UNC5D: variants seen among roughly 807,000 people sequenced by gnomAD.
The protein encoded by UNC5D is netrin receptor UNC5D.
Under a neutral mutation model 105.4 loss-of-function variants are expected in UNC5D, and 39 were observed. The observed-to-expected ratio is 0.37, with a 90% CI of 0.29 to 0.48. UNC5D has a LOEUF of 0.48. Ranked by LOEUF, UNC5D falls within the 20% of genes least tolerant of loss-of-function variation. UNC5D has a pLI of 0.98. For synonymous variants in UNC5D, 452 were observed against 450.4 expected (o/e 1.00, Z -0.04); for missense variants, 991 against 1,202.4 (o/e 0.82, Z 2.60).
chr8:35,604,774 C>T (rs2130945729), intron 4 of UNC5D, among the ~76,000 whole-genome samples: 1 of 152,286 alleles, frequency 6.6e-6, no homozygotes, highest in Middle Eastern at 3.4e-3. Flanking sequence ...AACTTCTCTT[C>T]ATGATTCATT....
chr8:35,387,296 G>C (rs1267342861), intron 1 of UNC5D, among the ~76,000 whole-genome samples: 2 of 149,128 alleles, frequency 1.3e-5, no homozygotes, highest in African/African-American at 5.0e-5. Flanking sequence ...CCGGGAGGCG[G>C]AGTTTGTAGT....
chr8:35,318,638 C>T (rs1357976779), intron 1 of UNC5D, among the ~76,000 whole-genome samples: 1 of 152,050 alleles, frequency 6.6e-6, no homozygotes, highest in Non-Finnish European at 1.5e-5. Context: ...CTTTAATAAT[C>T]ATGTCTTTTC....
At chr8:35,754,244 CA>C (rs1290697219) in intron 13 of UNC5D, among the ~76,000 whole-genome samples, 1 of 152,154 alleles carries the variant, frequency 6.6e-6, no homozygotes, top group Non-Finnish European at 1.5e-5. Context: ...ACTTCTTAAT[CA>C]AAATCAGTAA....
At position 35,794,310 on chromosome 8, in the gene UNC5D, C is replaced by G. The variant is rs1266201239; in HGVS notation, c.*3747C>G. The G allele has an allele frequency of 1.3e-5, 2 of 152,166 alleles. No homozygotes were observed. The highest frequency in any genetic ancestry group is 4.8e-5 in the African/African-American group (2 of 41,428). The allele number at this position is 152,166 out of a possible 1,614,324, so 9.4% of individuals were successfully genotyped here. On this transcript the variant is annotated 3_prime_UTR_variant, in exon 17 of 17. Coordinates refer to ENST00000404895, the MANE Select transcript of UNC5D (RefSeq NM_080872.4). ...CCAGCTCTGTAAAGGTCACAGGAAT[C>G]GTGAAGGAGCTGAGAAATCTTCCTC...
At chr8:35,379,975 C>G (rs1479631097) in intron 1 of UNC5D, among the ~76,000 whole-genome samples, 1 of 151,278 alleles carries the variant, frequency 6.6e-6, no homozygotes, top group African/African-American at 2.4e-5. Flanking sequence ...AGAAATTTAT[C>G]TCCCACAGTT....
chr8:35,550,249 G>A (rs555495857), intron 2 of UNC5D, among the ~76,000 whole-genome samples: 13 of 152,250 alleles, frequency 8.5e-5, no homozygotes, highest in African/African-American at 2.6e-4. Context: ...CGTAGACAAG[G>A]AAACTAAGGC....
At chr8:35,336,129 TAA>T (rs1811019408) in intron 1 of UNC5D, among the ~76,000 whole-genome samples, 1 of 152,152 alleles carries the variant, frequency 6.6e-6, no homozygotes, top group Non-Finnish European at 1.5e-5. Flanking sequence ...ATCAGTTTAA[TAA>T]GAGTTAGTAA....
At chr8:35,648,480 A>G (rs1823195030) in intron 4 of UNC5D, among the ~76,000 whole-genome samples, 1 of 152,026 alleles carries the variant, frequency 6.6e-6, no homozygotes. Flanking sequence ...GGAGTTTGTG[A>G]CCAGCCTGGC....
chr8:35,686,931 T>C (rs1224340520), intron 7 of UNC5D, among the ~76,000 whole-genome samples: 1 of 152,206 alleles, frequency 6.6e-6, no homozygotes, highest in Non-Finnish European at 1.5e-5. Context: ...TCTGTTGATG[T>C]GTATACTTAC....
At chr8:35,537,572 T>C (rs1814929195) in intron 1 of UNC5D, among the ~76,000 whole-genome samples, 2 of 151,978 alleles carry the variant, frequency 1.3e-5, no homozygotes, top group Non-Finnish European at 1.5e-5. Context: ...TACCAGGTAC[T>C]AAGGAGGCTG....
intron 4 of UNC5D, among the ~76,000 whole-genome samples, chr8:35,648,002 A>T (rs1373312252): frequency 6.6e-6 from 1 of 152,200 alleles, no homozygotes; most frequent in African/African-American, 2.4e-5. Flanking sequence ...TTCTTACTAG[A>T]AAATAATTGA....
intron 1 of UNC5D, among the ~76,000 whole-genome samples, chr8:35,411,169 C>T (rs901140617): frequency 2.0e-5 from 3 of 151,948 alleles, no homozygotes; most frequent in Admixed American, 6.6e-5. Context: ...ATTCTAGCGA[C>T]GACCCATGGC....
chr8:35,596,526 C>A (rs1032927369), intron 4 of UNC5D, among the ~76,000 whole-genome samples: 1 of 152,124 alleles, frequency 6.6e-6, no homozygotes, highest in African/African-American at 2.4e-5. Flanking sequence ...GTTGAGGATG[C>A]GTGCCCATGA....
chr8:35,322,789 G>A (rs549103709), intron 1 of UNC5D, among the ~76,000 whole-genome samples: 1 of 152,244 alleles, frequency 6.6e-6, no homozygotes, highest in Non-Finnish European at 1.5e-5. Flanking sequence ...CAGTACGTAC[G>A]ATTTCTTAAG....
intron 1 of UNC5D, among the ~76,000 whole-genome samples, chr8:35,376,860 C>T (rs1802726489): frequency 6.6e-6 from 1 of 152,204 alleles, no homozygotes; most frequent in Admixed American, 6.5e-5. Flanking sequence ...TGCTATGTCA[C>T]CATCAGTCCA....
chr8:35,646,219 A>AT (rs1823041211), intron 4 of UNC5D, among the ~76,000 whole-genome samples: 1 of 152,094 alleles, frequency 6.6e-6, no homozygotes, highest in South Asian at 2.1e-4. Context: ...CAGCTTGCAG[A>AT]TTACTAGGTG....
chr8:35,245,292 GA>G (rs1030501371), intron 1 of UNC5D, among the ~76,000 whole-genome samples: 11 of 151,340 alleles, frequency 7.3e-5, no homozygotes, highest in Admixed American at 5.3e-4. Context: ...AAGAGAGATG[GA>G]AAAAAAATAC....
At chr8:35,278,074 G>T (rs955923162) in intron 1 of UNC5D, among the ~76,000 whole-genome samples, 1 of 152,026 alleles carries the variant, frequency 6.6e-6, no homozygotes, top group Non-Finnish European at 1.5e-5. Context: ...TCCTGGTCTG[G>T]GGCTTCTGAT....
chr8:35,538,042 G>C (rs1464517654), intron 1 of UNC5D, among the ~76,000 whole-genome samples: 1 of 151,922 alleles, frequency 6.6e-6, no homozygotes, highest in East Asian at 1.9e-4. Flanking sequence ...GTTGGGCATT[G>C]GTATACATGA....
Sources: allele counts gnomAD v4.1 joint callset (sites outside exome capture counted in the v4.1 genomes callset), GRCh38; gene constraint gnomAD v4.1.1; transcripts MANE v1.5; gene names NCBI Gene and HGNC (gene_info 2026-07-23, HGNC 2026-07-21).